REST: variants seen among roughly 807,000 people sequenced by gnomAD.
REST encodes RE1-silencing transcription factor.
A neutral mutation model predicts 30.4 loss-of-function variants in REST; 1 was observed. The ratio of observed to expected loss-of-function variants is 0.03; its 90% CI spans 0.01 to 0.16. The LOEUF is 0.16. Among genes scored for constraint, REST ranks in the 10% least tolerant of loss-of-function variants. The pLI is 1.00. For synonymous variants in REST, 504 were observed against 451.1 expected (o/e 1.12, Z -1.49); for missense variants, 1,259 against 1,329.5 (o/e 0.95, Z 0.82).
rs2109577609 is a variant in REST at position 56,931,350 on chromosome 4, C to T, written c.2492C>T (p.Ala831Val). Residue 831 changes from alanine (A) to valine (V), a missense_variant, in exon 4 of 4, where the codon GCA becomes GTA. By Grantham distance (64) the Ala-to-Val change is moderately conservative (BLOSUM62 0). Coordinates refer to ENST00000309042, the MANE Select transcript of REST (RefSeq NM_005612.5). The stretch of plus-strand genomic sequence containing the variant: ...AAGTCTAACATGCAGAGTGAAAGGG[C>T]ACGGAAGGAGCAAGTCCTTATTGAA... ...KEKSNMQSER[A>V]RKEQVLIEVG... is the part of the protein sequence containing the mutation. 2 of 1,614,202 alleles carry T rather than the reference C, an allele frequency of 1.2e-6. No homozygotes were observed. Among genetic ancestry groups the T allele is most frequent in the Non-Finnish European group, 1.7e-6 (2 of 1,180,032 alleles).
At chr4:56,915,348 T>G (rs912291457) in intron 2 of REST, among the ~76,000 whole-genome samples, 5 of 145,324 alleles carry the variant, frequency 3.4e-5, no homozygotes, top group African/African-American at 1.3e-4. Flanking sequence ...AGGGCTTAAG[T>G]GATTCTCCTG....
intron 3 of REST, among the ~76,000 whole-genome samples, chr4:56,928,629 A>G (rs927436018): frequency 8.0e-5 from 12 of 149,184 alleles, no homozygotes; most frequent in Non-Finnish European, 1.8e-4. Context: ...ACTGTCGCCC[A>G]GGCTGAAGTG....
intron 1 of REST, chr4:56,909,499 C>T (rs1029037048): frequency 6.6e-6 from 1 of 152,206 alleles, no homozygotes; most frequent in African/African-American, 2.4e-5. Flanking sequence ...CGATGTTGGG[C>T]CAAATTACCC....
rs763241761 is a variant in REST, at chr4:56,930,468, A to C, written c.1610A>C (p.Glu537Ala). ...TCTTTACATGGTCCTGTGAATGATG[A>C]GGAATCTTCAACAAAAAAGAAAAAG... ...SHSLHGPVND[E>A]ESSTKKKKKV... The change falls in exon 4 of 4, where the codon GAG becomes GCG. Residue 537 changes from glutamate (E) to alanine (A), a missense_variant. Glu to Ala is a moderately radical substitution (Grantham distance 107). This residue lies in a region of REST where 856 missense variants were observed against 772.8 expected (regional missense o/e 1.11). Coordinates refer to ENST00000309042, the MANE Select transcript of REST (RefSeq NM_005612.5). The C allele has an allele frequency of 3.1e-6, 5 of 1,612,894 alleles. No individual in the cohort carries two copies. The highest frequency in any genetic ancestry group is 1.7e-5 in the Admixed American group (1 of 59,778).
At position 56,923,688 on chromosome 4, in the gene REST, C is replaced by T. The variant is rs184721566; in HGVS notation, c.982+3818C>T. Among the ~76,000 whole-genome samples, 10 of 151,452 alleles carry T rather than the reference C, an allele frequency of 6.6e-5. No homozygotes were observed. The East Asian group carries it at 9.8e-4, about 15-fold the overall frequency. ...TGCTGGAATTACAGGCATGAGTCACCGCGCCTGGCTGGAACTATTATTTTT... is the reference window on the plus strand; with the variant it reads ...TGCTGGAATTACAGGCATGAGTCACTGCGCCTGGCTGGAACTATTATTTTT... On this transcript the variant is annotated intron_variant, in intron 3 of 3. Transcript: ENST00000309042.
chr4:56,923,862 C>T (rs1337300899), intron 3 of REST, among the ~76,000 whole-genome samples: 1 of 152,148 alleles, frequency 6.6e-6, no homozygotes, highest in Non-Finnish European at 1.5e-5. Flanking sequence ...TCTGGGACTA[C>T]AGGCTCGTGC....
chr4:56,927,696 T>C (rs368096238), intron 3 of REST: 9 of 1,111,178 alleles, frequency 8.1e-6, no homozygotes, highest in Non-Finnish European at 1.1e-5. Context: ...ATTACTCTTA[T>C]GCCTTTAATT....
Position 56,929,851 on chromosome 4 carries a change from A to G in REST, c.993A>G (p.Pro331=), listed in dbSNP as rs148149260. 16 of 1,601,808 alleles carry G rather than the reference A, an allele frequency of 1.0e-5. No homozygotes were observed. The highest frequency in any genetic ancestry group is 1.7e-4 in the Middle Eastern group (1 of 5,972). The change falls in exon 4 of 4, where the codon CCA becomes CCG. Residue 331 remains proline, a synonymous_variant. Coordinates refer to ENST00000309042, the MANE Select transcript of REST (RefSeq NM_005612.5). The part of the protein sequence containing the change: ...RHMRTHSGEK[P]FKCDQCSYVA... ...TTGATTTGCCTTCAGGTGAGAAGCCATTTAAATGTGATCAGTGCAGTTATG... is the reference window on the plus strand; with the variant it reads ...TTGATTTGCCTTCAGGTGAGAAGCCGTTTAAATGTGATCAGTGCAGTTATG...
intron 3 of REST, among the ~76,000 whole-genome samples, chr4:56,920,674 AT>A: frequency 6.6e-6 from 1 of 152,134 alleles, no homozygotes; most frequent in South Asian, 2.1e-4. Context: ...AGGCAAGAGA[AT>A]TGCTTGAACT....
rs1266165369 is a variant in REST at position 56,935,460 on chromosome 4, T to C, written c.*3308T>C. The C allele has an allele frequency of 6.6e-6, 1 of 152,238 alleles. No individual in the cohort carries two copies. Among genetic ancestry groups the C allele is most frequent in the Non-Finnish European group, 1.5e-5 (1 of 68,040 alleles). 9.4% of individuals were successfully genotyped at this position (152,238 alleles called of 1,614,324 possible). ...CAGATAGCTTTTACAGTTTCACATG[T>C]GTACATAGGTTCCCTCCCGGTCCCT... On this transcript the variant is annotated 3_prime_UTR_variant, in exon 4 of 4. Coordinates refer to ENST00000309042, the MANE Select transcript of REST (RefSeq NM_005612.5).
In REST at chr4:56,934,168, A is replaced by T. The variant is rs1285437517; in HGVS notation, c.*2016A>T. On this transcript the variant is annotated 3_prime_UTR_variant, in exon 4 of 4. Coordinates refer to ENST00000309042, the MANE Select transcript of REST (RefSeq NM_005612.5). ...TTGTCAACAGAAGATCAAGCTGCAA[A>T]TATTTATGTTTTAAAACTTAAATTA... 6.6e-6 allele frequency: 1 copy of T among 152,224 alleles called. No individual in the cohort carries two copies. The highest frequency in any genetic ancestry group is 1.5e-5 in the Non-Finnish European group (1 of 68,024). The allele number at this position is 152,224 out of a possible 1,614,324, so 9.4% of individuals were successfully genotyped here. A position where few individuals can be genotyped will look rare whatever the true frequency, so the allele number is the denominator to read the frequency against.
Position 56,932,355 on chromosome 4 carries a change from C to A in REST, c.*203C>A. 1.9e-6 allele frequency: 1 copy of A among 539,572 alleles called. No homozygotes were observed. Among genetic ancestry groups the A allele is most frequent in the Non-Finnish European group, 3.2e-6 (1 of 314,550 alleles). 33.4% of individuals were successfully genotyped at this position (539,572 alleles called of 1,614,324 possible). On this transcript the variant is annotated 3_prime_UTR_variant, in exon 4 of 4. Coordinates refer to ENST00000309042, the MANE Select transcript of REST (RefSeq NM_005612.5). Reference sequence around the variant, plus strand: ...AGTAAATCTAAGAGAGTGTACTAAACCAGCAGGTATCTGTTAGCTTATGTG... The same window carrying A: ...AGTAAATCTAAGAGAGTGTACTAAAACAGCAGGTATCTGTTAGCTTATGTG...
intron 2 of REST, among the ~76,000 whole-genome samples, chr4:56,915,502 C>T (rs1288848510): frequency 1.3e-5 from 2 of 151,822 alleles, no homozygotes; most frequent in East Asian, 1.9e-4. Flanking sequence ...CTGACCTCGG[C>T]CTCTCAAGGT....
At chr4:56,919,761 A>C (rs1720365228) in intron 2 of REST, 26 bp from the exon 3 acceptor site, 1 of 1,424,962 alleles carries the variant, frequency 7.0e-7, no homozygotes, top group Non-Finnish European at 9.8e-7. Context: ...ACATTTAAAC[A>C]CTCTTATATT....
chr4:56,931,057 G>A lies in REST; in HGVS notation c.2199G>A (p.Leu733=), dbSNP rs1720944212. 2 of 1,384,880 alleles carry A rather than the reference G, an allele frequency of 1.4e-6. No homozygotes were observed. Among genetic ancestry groups the A allele is most frequent in the Admixed American group, 1.8e-5 (1 of 54,796 alleles). 85.8% of individuals were successfully genotyped at this position (1,384,880 alleles called of 1,614,324 possible). A position where few individuals can be genotyped will look rare whatever the true frequency, so the allele number is the denominator to read the frequency against. The change falls in exon 4 of 4, where the codon CTG becomes CTA. Residue 733 remains leucine, a synonymous_variant. Transcript: ENST00000309042. ...AGAAGGAGCCTGTTCAGATGGAGCT[G>A]TCTCCTCCCATGGAGGTGGTCCAGA... ...VVQKEPVQME[L]SPPMEVVQKE...
rs1450020774 is a variant in REST at position 56,934,080 on chromosome 4, T to C, written c.*1928T>C. 1.3e-5 allele frequency: 2 copies of C among 152,204 alleles called. No homozygotes were observed. The highest frequency in any genetic ancestry group is 2.9e-5 in the Non-Finnish European group (2 of 68,044). The allele number at this position is 152,204 out of a possible 1,614,324, so 9.4% of individuals were successfully genotyped here. A position where few individuals can be genotyped will look rare whatever the true frequency, so the allele number is the denominator to read the frequency against. On this transcript the variant is annotated 3_prime_UTR_variant, in exon 4 of 4. Transcript: ENST00000309042. ...ACATGAGGAGTAAGTTGTGTGATAATGGTATGTGTTTTGTGTGCATGAATG... is the reference window on the plus strand; with the variant it reads ...ACATGAGGAGTAAGTTGTGTGATAACGGTATGTGTTTTGTGTGCATGAATG...
In REST at chr4:56,932,756, C is replaced by G. The variant is rs1721020894; in HGVS notation, c.*604C>G. Reference sequence around the variant, plus strand: ...TTTTGGTGTGTTTTTTATTTTGGTGCTTTAATGGCTTAAGATGTTGCACAT... The same window carrying G: ...TTTTGGTGTGTTTTTTATTTTGGTGGTTTAATGGCTTAAGATGTTGCACAT... On this transcript the variant is annotated 3_prime_UTR_variant, in exon 4 of 4. Transcript: ENST00000309042. 6.6e-6 allele frequency: 1 copy of G among 151,822 alleles called. No individual in the cohort carries two copies. Among genetic ancestry groups the G allele is most frequent in the Middle Eastern group, 3.4e-3 (1 of 294 alleles). The allele number at this position is 151,822 out of a possible 1,614,324, so 9.4% of individuals were successfully genotyped here. A position where few individuals can be genotyped will look rare whatever the true frequency, so the allele number is the denominator to read the frequency against.
intron 3 of REST, chr4:56,920,127 TC>T: frequency 3.5e-6 from 1 of 284,554 alleles, no homozygotes; most frequent in Non-Finnish European, 6.5e-6. Flanking sequence ...TTTGAAGCGT[TC>T]CGTGACTCCA....
At chr4:56,908,545 G>A (rs1378178635) in intron 1 of REST, among the ~76,000 whole-genome samples, 1 of 151,936 alleles carries the variant, frequency 6.6e-6, no homozygotes, top group East Asian at 2.0e-4. Context: ...AAGGAGCGGA[G>A]CTGCTCGGGC....
Sources: gnomAD v4.1 joint callset for allele counts (sites outside exome capture counted in the v4.1 genomes callset) on GRCh38, gnomAD v4.1.1 for gene constraint, gnomAD v4.1.1 regional missense constraint, MANE v1.5 for transcripts, NCBI Gene and HGNC (gene_info 2026-07-23, HGNC 2026-07-21) for gene names.